The following CNOT10 variants were observed in gnomAD, a reference collection of about 807,000 sequenced individuals.
CNOT10 encodes CCR4-NOT transcription complex subunit 10, also known as CCR4-NOT transcription complex, subunit 10.
CNOT10 carries 30 observed loss-of-function variants against 94.6 expected under a neutral mutation model. The observed-to-expected ratio is 0.32, with a 90% CI of 0.24 to 0.43. The LOEUF (loss-of-function observed/expected upper bound fraction) is 0.43, where lower values mean the gene tolerates loss of function less well. Ranked by LOEUF, CNOT10 falls within the 20% of genes least tolerant of loss-of-function variation. The pLI is 1.00. For synonymous variants in CNOT10, 289 were observed against 301.6 expected (o/e 0.96, Z 0.43); for missense variants, 759 against 877.2 (o/e 0.87, Z 1.70).
chr3:32,756,331 A>T (rs1311819748), intron 13 of CNOT10, among the ~76,000 whole-genome samples: 1 of 152,134 alleles, frequency 6.6e-6, no homozygotes, highest in African/African-American at 2.4e-5. Flanking sequence ...CCCTGTTTTG[A>T]TTTAGAATTT....
At chr3:32,725,687 T>C (rs1156825486) in intron 9 of CNOT10, 88 bp downstream of exon 9, 1 of 1,235,894 alleles carries the variant, frequency 8.1e-7, no homozygotes, top group Non-Finnish European at 1.1e-6. Context: ...ATACCCACCA[T>C]GTAGACTTAC....
intron 13 of CNOT10, among the ~76,000 whole-genome samples, chr3:32,754,518 C>CTTT (rs752732319): frequency 2.3e-4 from 14 of 62,010 alleles, no homozygotes; most frequent in African/African-American, 1.0e-3. Flanking sequence ...ATTTATTTTA[C>CTTT]TTTTTTTTTT....
intron 13 of CNOT10, among the ~76,000 whole-genome samples, chr3:32,754,491 TAC>T (rs200387429): frequency 0.18 from 8,493 of 47,068 alleles, 1,171 homozygotes; most frequent in East Asian, 0.3. Flanking sequence ...AAAAAAAAAA[TAC>T]ATATATATAT....
chr3:32,769,664 A>T, intron 17 of CNOT10: 1 of 490,060 alleles, frequency 2.0e-6, no homozygotes, highest in Non-Finnish European at 3.8e-6. Context: ...CGGGGTGTCC[A>T]GTCACCCATC....
At chr3:32,733,608 A>G (rs1173864765) in intron 11 of CNOT10, 64 bp downstream of exon 11, 2 of 1,103,966 alleles carry the variant, frequency 1.8e-6, no homozygotes, top group Non-Finnish European at 2.5e-6. Flanking sequence ...TGTTACTTAT[A>G]TATAAAAGTA....
chr3:32,753,962 A>G lies in CNOT10; in HGVS notation c.1596-5496A>G, dbSNP rs1700081659. On this transcript the variant is annotated intron_variant, in intron 13 of 18. Transcript: ENST00000328834. ...AAATATAAAAATTAGCTGGGCATGG[A>G]GGTGCATGCTTGTAATCCCAGTTAC... 6 of 831,996 alleles carry G rather than the reference A, an allele frequency of 7.2e-6. No individual in the cohort carries two copies. In the East Asian group the frequency reaches 1.6e-4, roughly 22 times the overall value. 51.5% of individuals were successfully genotyped at this position (831,996 alleles called of 1,614,324 possible). A position where few individuals can be genotyped will look rare whatever the true frequency, so the allele number is the denominator to read the frequency against.
At chr3:32,687,244 T>C (rs1209530084) in intron 1 of CNOT10, among the ~76,000 whole-genome samples, 1 of 152,044 alleles carries the variant, frequency 6.6e-6, no homozygotes. Flanking sequence ...CACTGGTGTT[T>C]GTCTCTTGTC....
At chr3:32,690,169 T>C (rs576112829) in intron 1 of CNOT10, among the ~76,000 whole-genome samples, 204 of 152,278 alleles carry the variant, frequency 1.3e-3, no homozygotes, top group Non-Finnish European at 2.5e-3. Context: ...CTGATCCAGG[T>C]AAGGAATGAT....
intron 15 of CNOT10, among the ~76,000 whole-genome samples, 166 bp downstream of exon 15, chr3:32,763,029 G>T (rs545305543): frequency 1.3e-5 from 2 of 152,218 alleles, no homozygotes; most frequent in Non-Finnish European, 2.9e-5. Flanking sequence ...TTGCTAAGTA[G>T]ACCTGAGAGT....
In CNOT10 at chr3:32,762,586, C is replaced by T. The variant is rs999503990; in HGVS notation, c.1710-147C>T. 29 of 833,726 alleles carry T rather than the reference C, an allele frequency of 3.5e-5. No individual in the cohort carries two copies. The African/African-American group carries it at 4.9e-4, about 14-fold the overall frequency. 51.6% of individuals were successfully genotyped at this position (833,726 alleles called of 1,614,324 possible). A position where few individuals can be genotyped will look rare whatever the true frequency, so the allele number is the denominator to read the frequency against. ...ACACCCAGGCAGTTGATTCGTTTTA[C>T]CTAAATAAATTTAGATTTCAATTTA... On this transcript the variant is annotated intron_variant, in intron 14 of 18. Transcript: ENST00000328834.
intron 4 of CNOT10, among the ~76,000 whole-genome samples, chr3:32,710,168 A>G (rs866457630): frequency 8.0e-5 from 12 of 149,922 alleles, no homozygotes; most frequent in South Asian, 2.1e-4. Context: ...AAAAAAAAAA[A>G]AGAGAATTTC....
intron 5 of CNOT10, among the ~76,000 whole-genome samples, chr3:32,714,461 C>T (rs112891654): frequency 0.022 from 3,326 of 151,382 alleles, 48 homozygotes; most frequent in East Asian, 0.047. Flanking sequence ...GTAATCCCAG[C>T]ACTTTGAGAG....
intron 1 of CNOT10, among the ~76,000 whole-genome samples, chr3:32,688,906 C>T (rs1696735885): frequency 6.6e-6 from 1 of 151,632 alleles, no homozygotes; most frequent in Admixed American, 6.6e-5. Context: ...GACCCTCTCT[C>T]AAAAAAATAA....
rs916388384 is a variant in CNOT10 at position 32,727,824 on chromosome 3, G to A, written c.1169G>A (p.Arg390His). The A allele has an allele frequency of 8.1e-6, 13 of 1,613,110 alleles. No individual in the cohort carries two copies. The highest frequency in any genetic ancestry group is 5.0e-5 in the Admixed American group (3 of 59,848). ...EAVQVYHANP[R>H]LWLRLAECCI... is the part of the protein sequence containing the mutation. Reference sequence around the variant, plus strand: ...GTTCAGGTTTATCATGCAAATCCTCGCCTCTGGCTACGGCTGGCTGAATGC... The same window carrying A: ...GTTCAGGTTTATCATGCAAATCCTCACCTCTGGCTACGGCTGGCTGAATGC... The change falls in exon 10 of 19, where the codon CGC becomes CAC. Residue 390 changes from arginine (R) to histidine (H), a missense_variant. Transcript: ENST00000328834.
At chr3:32,764,587 C>T (rs904281556) in intron 16 of CNOT10, 95 bp from the exon 17 acceptor site, 2 of 1,602,288 alleles carry the variant, frequency 1.2e-6, no homozygotes, top group Admixed American at 1.7e-5. Flanking sequence ...CTGAGGAATA[C>T]TGCTGTGCCA....
intron 13 of CNOT10, among the ~76,000 whole-genome samples, chr3:32,751,274 A>ATT (rs1008786016): frequency 8.2e-5 from 12 of 146,498 alleles, no homozygotes; most frequent in African/African-American, 3.0e-4. Context: ...CTAATTTTTA[A>ATT]TTTTTTTTTT....
Position 32,722,856 on chromosome 3 carries a change from C to T in CNOT10, c.863-2594C>T, listed in dbSNP as rs573938091. ...AAAATTAGCCAGGCGTGATGGCATG[C>T]GCCTGTATTCCCAGCTACTTAGGAT... On this transcript the variant is annotated intron_variant, in intron 8 of 18. Transcript: ENST00000328834. 8.5e-5 allele frequency among the ~76,000 whole-genome samples: 13 copies of T among 152,192 alleles called. No homozygotes were observed. In the East Asian group the frequency reaches 1.4e-3, roughly 16 times the overall value.
chr3:32,689,782 G>A (rs1466438588), intron 1 of CNOT10, among the ~76,000 whole-genome samples: 1 of 152,070 alleles, frequency 6.6e-6, no homozygotes, highest in Non-Finnish European at 1.5e-5. Context: ...AGCCAGACTT[G>A]TCTCCGTAAA....
chr3:32,722,192 T>C (rs1365566037), intron 8 of CNOT10, among the ~76,000 whole-genome samples: 3 of 152,222 alleles, frequency 2.0e-5, no homozygotes, highest in Non-Finnish European at 4.4e-5. Flanking sequence ...TCTTGTTTTT[T>C]TTGGATTCTA....
Sources: allele counts gnomAD v4.1 joint callset (sites outside exome capture counted in the v4.1 genomes callset), GRCh38; gene constraint gnomAD v4.1.1; transcripts MANE v1.5; gene names NCBI Gene and HGNC (gene_info 2026-07-23, HGNC 2026-07-21).